The following UTP25 variants were observed in gnomAD, a reference collection of about 807,000 sequenced individuals.
UTP25 encodes U3 small nucleolar RNA-associated protein 25 homolog.
UTP25 carries 50 observed loss-of-function variants against 78.9 expected under a neutral mutation model. The observed-to-expected ratio is 0.63, with a 90% confidence interval of 0.50 to 0.80. The LOEUF is 0.80. Ranked by LOEUF, UTP25 falls within the 30% of genes least tolerant of loss-of-function variation. The probability of loss-of-function intolerance (pLI) is 0.00; values close to 1 mark genes in which losing one functional copy is unlikely to be tolerated. For synonymous variants in UTP25, 329 were observed against 336.5 expected, an observed-to-expected ratio of 0.98 and a Z score of 0.24; for missense variants, 846 against 911.3, an observed-to-expected ratio of 0.93 and a Z score of 0.92.
chr1:209,837,779 T>C (rs1243237761), intron 6 of UTP25, among the ~76,000 whole-genome samples: 3 of 152,226 alleles, frequency 2.0e-5, no homozygotes, highest in African/African-American at 7.2e-5. Context: ...TAAGCTCTAG[T>C]GGATTTGAGG....
chr1:209,836,934 G>A lies in UTP25; in HGVS notation c.785G>A (p.Ser262Asn). The A allele has an allele frequency of 6.2e-7, 1 of 1,614,064 alleles. No homozygotes were observed. The highest frequency in any genetic ancestry group is 8.5e-7 in the Non-Finnish European group (1 of 1,180,014). ...GAATCCACCTGGACTAAGACCAACA[G>A]CCAGTTCCTATCTGGTCCCCAAAAA... ...PLESTWTKTN[S>N]QFLSGPQKSS... Residue 262 changes from serine (S) to asparagine (N), a missense_variant, in exon 6 of 12, where the codon AGC becomes AAC. Physicochemically the swap from Ser to Asn is conservative, Grantham distance 46. Transcript: ENST00000491415.
intron 11 of UTP25, among the ~76,000 whole-genome samples, chr1:209,850,951 G>C (rs1479385011): frequency 6.6e-6 from 1 of 152,148 alleles, no homozygotes; most frequent in East Asian, 1.9e-4. Flanking sequence ...ACCCAGTGTA[G>C]GATCAAGAAA....
chr1:209,841,477 C>G (rs1439675966), intron 8 of UTP25, among the ~76,000 whole-genome samples: 1 of 152,120 alleles, frequency 6.6e-6, no homozygotes, highest in Non-Finnish European at 1.5e-5. Context: ...ATACCCTGCT[C>G]AAGATTTTTT....
At chr1:209,848,988 G>A (rs756870359) in intron 11 of UTP25, among the ~76,000 whole-genome samples, 1 of 151,468 alleles carries the variant, frequency 6.6e-6, no homozygotes, top group Non-Finnish European at 1.5e-5. Flanking sequence ...GTAGGGTCTC[G>A]GGTGCTGGAG....
At chr1:209,851,016 G>A (rs536690174) in intron 11 of UTP25, among the ~76,000 whole-genome samples, 188 bp from the exon 12 acceptor site, 2 of 152,262 alleles carry the variant, frequency 1.3e-5, no homozygotes, top group African/African-American at 4.8e-5. Flanking sequence ...CGAATATGTT[G>A]TCATAAAAAG....
At chr1:209,849,687 C>G (rs1407519942) in intron 11 of UTP25, among the ~76,000 whole-genome samples, 1 of 152,202 alleles carries the variant, frequency 6.6e-6, no homozygotes, top group Non-Finnish European at 1.5e-5. Context: ...GGAACAAGCT[C>G]ATGAGTGGAT....
At chr1:209,833,089 AAC>A in intron 3 of UTP25, 94 bp from the exon 4 acceptor site, 2 of 1,155,148 alleles carry the variant, frequency 1.7e-6, no homozygotes, top group Non-Finnish European at 2.4e-6. Flanking sequence ...AGTATCAATG[AAC>A]GCTATTGTTG....
Position 209,851,426 on chromosome 1 carries a change from C to G in UTP25, c.2250C>G (p.Leu750=). 2 of 1,605,916 alleles carry G rather than the reference C, an allele frequency of 1.2e-6. No individual in the cohort carries two copies. Among genetic ancestry groups the G allele is most frequent in the South Asian group, 2.2e-5 (2 of 89,592 alleles). Residue 750 remains leucine (L), a synonymous_variant, in exon 12 of 12, where the codon CTC becomes CTG. Transcript: ENST00000491415. The part of the protein sequence containing the change: ...QMLQSNKNVH[L]FITGEK ...TACAGTCCAACAAGAATGTCCACCT[C>G]TTCATTACTGGAGAAAAATGAAATT... is the stretch of plus-strand genomic sequence containing the variant.
chr1:209,847,003 A>G (rs1002566553), intron 11 of UTP25, among the ~76,000 whole-genome samples: 1 of 151,712 alleles, frequency 6.6e-6, no homozygotes, highest in African/African-American at 2.4e-5. Flanking sequence ...TTTATGTGAA[A>G]AATGTGTGCA....
At chr1:209,849,431 C>T (rs2102582865) in intron 11 of UTP25, among the ~76,000 whole-genome samples, 1 of 152,108 alleles carries the variant, frequency 6.6e-6, no homozygotes, top group East Asian at 1.9e-4. Flanking sequence ...GGGTTTACTG[C>T]CCTTCCCTTA....
rs766131499 is a variant in UTP25, at chr1:209,856,516, G to A, written c.*5069G>A. On this transcript the variant is annotated 3_prime_UTR_variant, in exon 12 of 12. Coordinates refer to ENST00000491415, the MANE Select transcript of UTP25 (RefSeq NM_014388.7). ...TGTACGTAGGAGAGTGGTGAAGAAA[G>A]GAGCTTGGTTCTGCAAGGATGTTGT... The A allele has an allele frequency of 3.3e-5, 5 of 152,250 alleles. No individual in the cohort carries two copies. The highest frequency in any genetic ancestry group is 1.9e-4 in the East Asian group (1 of 5,204). 9.4% of individuals were successfully genotyped at this position (152,250 alleles called of 1,614,324 possible).
chr1:209,850,448 A>C (rs905098166), intron 11 of UTP25, among the ~76,000 whole-genome samples: 2 of 152,232 alleles, frequency 1.3e-5, no homozygotes, highest in Non-Finnish European at 2.9e-5. Flanking sequence ...TAACGTCTTC[A>C]GTGTATGAGA....
Position 209,837,094 on chromosome 1 carries a change from A to C in UTP25, c.945A>C (p.Ile315=), listed in dbSNP as rs2078137803. 1 of 1,614,070 alleles carries C rather than the reference A, an allele frequency of 6.2e-7. No homozygotes were observed. The highest frequency in any genetic ancestry group is 1.3e-5 in the African/African-American group (1 of 74,932). Residue 315 remains isoleucine, a synonymous_variant, in exon 6 of 12, where the codon ATA becomes ATC. Coordinates refer to ENST00000491415, the MANE Select transcript of UTP25 (RefSeq NM_014388.7). ...GCCATGTGTATTGCCTGCATGTGAT[A>C]AATCACATCCTCAAAGCCAATGCCC... ...EIRHVYCLHV[I]NHILKANAQV...
chr1:209,854,479 TC>T lies in UTP25; in HGVS notation c.*3034del, dbSNP rs1008267625. The T allele has an allele frequency of 6.6e-5, 10 of 152,108 alleles. No homozygotes were observed. The highest frequency in any genetic ancestry group is 1.3e-4 in the Non-Finnish European group (9 of 68,010). The allele number at this position is 152,108 out of a possible 1,614,324, so 9.4% of individuals were successfully genotyped here. ...AGGGCTTATAATTGAGCACAGATGGTCCTAGTGGAGATGGGGAATGTGTCCC... is the reference window on the plus strand; with the variant it reads ...AGGGCTTATAATTGAGCACAGATGGTCTAGTGGAGATGGGGAATGTGTCCC... On this transcript the variant is annotated 3_prime_UTR_variant, in exon 12 of 12. Transcript: ENST00000491415.
chr1:209,847,912 T>C (rs1270474912), intron 11 of UTP25, among the ~76,000 whole-genome samples: 1 of 152,250 alleles, frequency 6.6e-6, no homozygotes, highest in Non-Finnish European at 1.5e-5. Flanking sequence ...GAAACCCTCA[T>C]CCAGAATAAC....
Position 209,830,860 on chromosome 1 carries a change from G to C in UTP25, c.205G>C (p.Val69Leu), listed in dbSNP as rs149808131. 3.1e-6 allele frequency: 5 copies of C among 1,613,956 alleles called. No homozygotes were observed. The highest frequency in any genetic ancestry group is 4.2e-6 in the Non-Finnish European group (5 of 1,179,950). Residue 69 changes from valine (V) to leucine (L), a missense_variant, in exon 3 of 12, where the codon GTT becomes CTT. Coordinates refer to ENST00000491415, the MANE Select transcript of UTP25 (RefSeq NM_014388.7). ...CGACTCAGAGAGTGAACCACAACAAGTTTCTGGCTACCACAGACTACTTGC... is the reference window on the plus strand; with the variant it reads ...CGACTCAGAGAGTGAACCACAACAACTTTCTGGCTACCACAGACTACTTGC... Reference protein sequence around the residue: ...ESDSESEPQQVSGYHRLLATL... With the variant: ...ESDSESEPQQLSGYHRLLATL...
Position 209,856,116 on chromosome 1 carries a change from T to TA in UTP25, c.*4672dup, listed in dbSNP as rs1275908895. The TA allele has an allele frequency of 2.6e-5, 4 of 152,274 alleles. No homozygotes were observed. Among genetic ancestry groups the TA allele is most frequent in the Non-Finnish European group, 4.4e-5 (3 of 68,066 alleles). 9.4% of individuals were successfully genotyped at this position (152,274 alleles called of 1,614,324 possible). On this transcript the variant is annotated 3_prime_UTR_variant, in exon 12 of 12. Transcript: ENST00000491415. Reference sequence around the variant, plus strand: ...CATCACCACTGACATTCTGTGGCTCTAAACAAGTCCTCACGACCACTTCTC... The same window carrying TA: ...CATCACCACTGACATTCTGTGGCTCTAAAACAAGTCCTCACGACCACTTCTC...
chr1:209,847,322 C>T (rs2078203070), intron 11 of UTP25, among the ~76,000 whole-genome samples: 1 of 152,046 alleles, frequency 6.6e-6, no homozygotes, highest in African/African-American at 2.4e-5. Context: ...ATGCTTTTAC[C>T]CCAAATTCCA....
At chr1:209,828,569 AT>A (rs1462031024) in intron 1 of UTP25, among the ~76,000 whole-genome samples, 1 of 148,158 alleles carries the variant, frequency 6.7e-6, no homozygotes, top group Admixed American at 6.7e-5. Context: ...AGCCCGGCTG[AT>A]TTTTTGTATT....
Sources: allele counts gnomAD v4.1 joint callset (sites outside exome capture counted in the v4.1 genomes callset), GRCh38; gene constraint gnomAD v4.1.1; transcripts MANE v1.5; gene names NCBI Gene and HGNC (gene_info 2026-07-23, HGNC 2026-07-21).